The following RNF20 variants were observed in gnomAD, a reference collection of about 807,000 sequenced individuals.
The protein encoded by RNF20 is E3 ubiquitin-protein ligase BRE1A.
Under a neutral mutation model 126.2 loss-of-function variants are expected in RNF20, and 84 were observed. That is an observed-to-expected ratio of 0.67 (90% CI 0.56 to 0.80). The LOEUF is 0.80. Ranked by LOEUF, RNF20 falls within the 30% of genes least tolerant of loss-of-function variation. The pLI is 0.00. For missense variants in RNF20, 869 were observed against 1,188.2 expected, an observed-to-expected ratio of 0.73 and a Z score of 3.95; for synonymous variants, 400 against 414.3, an observed-to-expected ratio of 0.97 and a Z score of 0.42.
At chr9:101,553,176 A>G (rs1243128154) in intron 13 of RNF20, among the ~76,000 whole-genome samples, 1 of 152,190 alleles carries the variant, frequency 6.6e-6, no homozygotes, top group East Asian at 1.9e-4. Flanking sequence ...CTGAGAGTTA[A>G]CTGGTTTGTG....
In RNF20 at chr9:101,552,491, T is replaced by G; in HGVS notation, c.1639T>G (p.Ser547Ala). 2 of 1,614,082 alleles carry G rather than the reference T, an allele frequency of 1.2e-6. No individual in the cohort carries two copies. The highest frequency in any genetic ancestry group is 1.7e-6 in the Non-Finnish European group (2 of 1,179,988). Reference protein sequence around the residue: ...KPDSEDLSSQSSASKASQEDA... With the variant: ...KPDSEDLSSQASASKASQEDA... ...AGATTCTGAGGACTTATCCTCCCAG[T>G]CCTCAGCTTCAAAGGCATCTCAGGA... Residue 547 changes from serine to alanine, a missense_variant, in exon 13 of 20, where the codon TCC becomes GCC. Ser to Ala is a moderately conservative substitution (Grantham distance 99). Transcript: ENST00000389120.
At chr9:101,536,790 C>G (rs1827192015) in intron 2 of RNF20, among the ~76,000 whole-genome samples, 2 of 152,148 alleles carry the variant, frequency 1.3e-5, no homozygotes, top group South Asian at 4.1e-4. Flanking sequence ...TGGACTTTAT[C>G]CAGAGGCAAT....
chr9:101,553,953 A>G, intron 13 of RNF20, 35 bp from the exon 14 acceptor site: 1 of 1,204,970 alleles, frequency 8.3e-7, no homozygotes, highest in Non-Finnish European at 1.2e-6. Context: ...TTTTCTTATT[A>G]CATTGTTCCC....
intron 2 of RNF20, 66 bp from the exon 3 acceptor site, chr9:101,540,137 G>A (rs1209023581): frequency 6.9e-7 from 1 of 1,447,276 alleles, no homozygotes; most frequent in African/African-American, 1.4e-5. Context: ...TTGTGACCTT[G>A]TTGAGTTTAA....
Position 101,550,643 on chromosome 9 carries a change from A to C in RNF20, c.1130A>C (p.Glu377Ala). The C allele has an allele frequency of 6.2e-7, 1 of 1,614,152 alleles. No individual in the cohort carries two copies. The highest frequency in any genetic ancestry group is 1.7e-5 in the Admixed American group (1 of 60,016). The change falls in exon 10 of 20, where the codon GAA (glutamate) becomes GCA (alanine). Residue 377 changes from glutamate (E) to alanine (A), a missense_variant. Glu to Ala is a moderately radical substitution (Grantham distance 107). Around this residue, in one of 8 missense-constraint regions of RNF20, gnomAD observed 153 missense variants for 226.4 expected, o/e 0.68. Transcript: ENST00000389120. The stretch of plus-strand genomic sequence containing the variant: ...AGTGCAGTGGAGCAAGTCGTTAAGG[A>C]AACTCCAGAATATCGCTGCATGCAG... ...LRSAVEQVVK[E>A]TPEYRCMQSQ... is the part of the protein sequence containing the mutation.
intron 2 of RNF20, among the ~76,000 whole-genome samples, chr9:101,537,054 G>A (rs1413083790): frequency 6.6e-6 from 1 of 152,220 alleles, no homozygotes; most frequent in Non-Finnish European, 1.5e-5. Flanking sequence ...ATTGCTGTTA[G>A]GAGCCAGCTG....
chr9:101,544,260 G>C (rs193175212), intron 5 of RNF20, among the ~76,000 whole-genome samples: 1 of 152,294 alleles, frequency 6.6e-6, no homozygotes, highest in Admixed American at 6.5e-5. Flanking sequence ...TATATGATAT[G>C]AGAATATGTG....
Position 101,553,970 on chromosome 9 carries a change from C to T in RNF20, c.1902-18C>T, listed in dbSNP as rs1279971906. ...TTCTTATTACATTGTTCCCCTCCCT[C>T]TACTACGCCTGTCATAGGAAGGCAC... On this transcript the variant is annotated intron_variant, in intron 13 of 19. Coordinates refer to ENST00000389120, the MANE Select transcript of RNF20 (RefSeq NM_019592.7). The T allele has an allele frequency of 4.2e-6, 6 of 1,431,670 alleles. No homozygotes were observed. The African/African-American group carries it at 4.2e-5, about 10-fold the overall frequency. The allele number at this position is 1,431,670 out of a possible 1,614,324, so 88.7% of individuals were successfully genotyped here.
In RNF20 at chr9:101,560,736, C is replaced by A. The variant is rs573971186; in HGVS notation, c.2383-65C>A. On this transcript the variant is annotated intron_variant, in intron 16 of 19. Coordinates refer to ENST00000389120, the MANE Select transcript of RNF20 (RefSeq NM_019592.7). The stretch of plus-strand genomic sequence containing the variant: ...TGTATTTTGTGGGCTTATAGATTAA[C>A]AGAATAGTTTTTTTTCTTTTTTTAA... The A allele has an allele frequency of 8.1e-6, 12 of 1,474,200 alleles. No individual in the cohort carries two copies. The African/African-American group carries it at 1.6e-4, about 19-fold the overall frequency. The allele number at this position is 1,474,200 out of a possible 1,614,324, so 91.3% of individuals were successfully genotyped here. A position where few individuals can be genotyped will look rare whatever the true frequency, so the allele number is the denominator to read the frequency against.
At chr9:101,543,424 A>G in intron 5 of RNF20, among the ~76,000 whole-genome samples, 1 of 148,678 alleles carries the variant, frequency 6.7e-6, no homozygotes, top group Non-Finnish European at 1.5e-5. Context: ...CCAGAGCGGC[A>G]CTGTCTAACT....
At position 101,557,576 on chromosome 9, in the gene RNF20, G is replaced by A. The variant is rs1383064773; in HGVS notation, c.2362G>A (p.Val788Met). The change falls in exon 16 of 20, where the codon GTG becomes ATG. Residue 788 changes from valine to methionine, a missense_variant. Val to Met is a conservative substitution (Grantham distance 21). Around this residue, in one of 8 missense-constraint regions of RNF20, gnomAD observed 150 missense variants for 173.7 expected, o/e 0.86. Transcript: ENST00000389120. ...AGAGAAGGAGGAGCTGGCAGACCAG[G>A]TGTTGACTCTGAAGACTCAGGTAAT... ...KEEKEELADQ[V>M]LTLKTQVDAQ... 1.9e-6 allele frequency: 3 copies of A among 1,613,608 alleles called. No individual in the cohort carries two copies. The highest frequency in any genetic ancestry group is 2.7e-5 in the African/African-American group (2 of 74,902).
chr9:101,534,948 C>T (rs910094563), intron 1 of RNF20, among the ~76,000 whole-genome samples: 16 of 149,824 alleles, frequency 1.1e-4, no homozygotes, highest in African/African-American at 3.7e-4. Flanking sequence ...CGCTCTGTTG[C>T]CCAGGCTGGA....
At chr9:101,536,709 T>G (rs1232331884) in intron 2 of RNF20, among the ~76,000 whole-genome samples, 1 of 152,120 alleles carries the variant, frequency 6.6e-6, no homozygotes, top group East Asian at 1.9e-4. Context: ...ATAGACTGTT[T>G]AGAGTGGGGT....
rs1025607673 is a variant in RNF20, at chr9:101,552,506, G to C, written c.1654G>C (p.Ala552Pro). ...ATCCTCCCAGTCCTCAGCTTCAAAG[G>C]CATCTCAGGAGGATGCCAATGAAAT... is the stretch of plus-strand genomic sequence containing the variant. ...DLSSQSSASKASQEDANEIKS... is the reference protein window; with the variant it reads ...DLSSQSSASKPSQEDANEIKS... Residue 552 changes from alanine (A) to proline (P), a missense_variant, in exon 13 of 20, where the codon GCA (alanine) becomes CCA (proline). By Grantham distance (27) the Ala-to-Pro change is conservative. Coordinates refer to ENST00000389120, the MANE Select transcript of RNF20 (RefSeq NM_019592.7). The C allele has an allele frequency of 3.1e-6, 5 of 1,613,970 alleles. No individual in the cohort carries two copies. Among genetic ancestry groups the C allele is most frequent in the African/African-American group, 1.3e-5 (1 of 74,878 alleles).
intron 18 of RNF20, 115 bp downstream of exon 18, chr9:101,561,345 A>T: frequency 8.8e-7 from 1 of 1,139,836 alleles, no homozygotes; most frequent in South Asian, 1.5e-5. Flanking sequence ...AGACTTGAGG[A>T]AGTTTGTTGA....
chr9:101,548,646 A>G (rs1181173086), intron 9 of RNF20, among the ~76,000 whole-genome samples: 1 of 152,208 alleles, frequency 6.6e-6, no homozygotes, highest in Non-Finnish European at 1.5e-5. Flanking sequence ...AAAAATGTTA[A>G]GTTTTGTTGA....
At chr9:101,550,937 A>G in intron 10 of RNF20, 152 bp downstream of exon 10, 1 of 733,406 alleles carries the variant, frequency 1.4e-6, no homozygotes, top group Non-Finnish European at 2.3e-6. Flanking sequence ...TGGGCATATA[A>G]AGATGAGATG....
chr9:101,536,768 C>T (rs957609202), intron 2 of RNF20, among the ~76,000 whole-genome samples: 2 of 152,144 alleles, frequency 1.3e-5, no homozygotes, highest in Non-Finnish European at 2.9e-5. Flanking sequence ...GCACATAGCA[C>T]ACACCCCAGT....
At chr9:101,536,002 G>C (rs1162680340) in intron 2 of RNF20, among the ~76,000 whole-genome samples, 1 of 152,094 alleles carries the variant, frequency 6.6e-6, no homozygotes, top group Non-Finnish European at 1.5e-5. Flanking sequence ...TCCTTTGCCT[G>C]TTTTCTTGTC....
Sources: gnomAD v4.1 joint callset for allele counts (sites outside exome capture counted in the v4.1 genomes callset) on GRCh38, gnomAD v4.1.1 for gene constraint, gnomAD v4.1.1 regional missense constraint, MANE v1.5 for transcripts, NCBI Gene and HGNC (gene_info 2026-07-23, HGNC 2026-07-21) for gene names.